The following SRL variants were observed in gnomAD, a reference collection of about 807,000 sequenced individuals.
SRL encodes the protein sarcalumenin.
SRL carries 23 observed loss-of-function variants against 39.5 expected under a neutral mutation model. The observed-to-expected ratio is 0.58, with a 90% CI of 0.42 to 0.82. The LOEUF (loss-of-function observed/expected upper bound fraction) is 0.82, where lower values mean the gene tolerates loss of function less well. SRL is among the 40% of genes least tolerant of loss of function. The pLI is 0.00. For synonymous variants in SRL, 272 were observed against 237.4 expected, an observed-to-expected ratio of 1.15 and a Z score of -1.34; for missense variants, 592 against 607.8, an observed-to-expected ratio of 0.97 and a Z score of 0.27.
At chr16:4,220,340 C>T (rs2052510481) in intron 1 of SRL, among the ~76,000 whole-genome samples, 1 of 148,254 alleles carries the variant, frequency 6.7e-6, no homozygotes, top group Admixed American at 6.8e-5. Flanking sequence ...CACAGCTACT[C>T]AGGAGGCTGA....
chr16:4,219,932 C>G (rs1450955931), intron 1 of SRL, among the ~76,000 whole-genome samples: 5 of 151,954 alleles, frequency 3.3e-5, no homozygotes, highest in African/African-American at 9.7e-5. Flanking sequence ...TCTTAGCTAT[C>G]TGAGTTCAAG....
At chr16:4,214,975 C>T (rs1295036327) in intron 1 of SRL, among the ~76,000 whole-genome samples, 2 of 152,088 alleles carry the variant, frequency 1.3e-5, no homozygotes, top group East Asian at 1.9e-4. Context: ...ACCATGTTGG[C>T]CAGGCTGGTC....
chr16:4,220,258 C>T (rs917953093), intron 1 of SRL, among the ~76,000 whole-genome samples: 2 of 139,266 alleles, frequency 1.4e-5, no homozygotes, highest in East Asian at 2.1e-4. Context: ...GCCAACATAG[C>T]GAAAATCTGT....
At chr16:4,207,797 C>T (rs1177847927) in intron 1 of SRL, 1 of 455,694 alleles carries the variant, frequency 2.2e-6, no homozygotes, top group Admixed American at 2.4e-5. Flanking sequence ...GTGGGCCATT[C>T]TTTTCCTCCC....
intron 1 of SRL, among the ~76,000 whole-genome samples, chr16:4,222,810 C>T (rs958860482): frequency 1.3e-5 from 2 of 152,176 alleles, no homozygotes; most frequent in Admixed American, 6.5e-5. Context: ...AGTACAATTC[C>T]TGGCGAGATG....
At chr16:4,204,700 C>G in intron 1 of SRL, 66 bp from the exon 2 acceptor site, 1 of 1,428,204 alleles carries the variant, frequency 7.0e-7, no homozygotes, top group Non-Finnish European at 9.9e-7. Context: ...TGGGCCCCGG[C>G]ACAGCAGACG....
chr16:4,208,930 C>G (rs2141040161), intron 1 of SRL, among the ~76,000 whole-genome samples: 1 of 152,270 alleles, frequency 6.6e-6, no homozygotes, highest in South Asian at 2.1e-4. Context: ...GGGGCCTCAT[C>G]TGTGCCAGAG....
chr16:4,212,703 G>A (rs1453731574), intron 1 of SRL, among the ~76,000 whole-genome samples: 1 of 152,100 alleles, frequency 6.6e-6, no homozygotes, highest in Non-Finnish European at 1.5e-5. Context: ...CCCCAACTCT[G>A]CCCAGAGACC....
chr16:4,196,619 T>G (rs1216227098), intron 4 of SRL, among the ~76,000 whole-genome samples: 1 of 152,036 alleles, frequency 6.6e-6, no homozygotes, highest in Non-Finnish European at 1.5e-5. Flanking sequence ...TAGCTGGGAT[T>G]ACAGGTGCCC....
intron 3 of SRL, 145 bp from the exon 4 acceptor site, chr16:4,198,060 G>A (rs2052173679): frequency 4.7e-6 from 3 of 637,706 alleles, no homozygotes; most frequent in South Asian, 1.8e-5. Context: ...CCCCAGTGGC[G>A]CTTCTCTTGC....
Position 4,222,285 on chromosome 16 carries a change from T to A in SRL, c.62-17651A>T, listed in dbSNP as rs149768767. Among the ~76,000 whole-genome samples the A allele has an allele frequency of 5.9e-3, 903 of 152,300 alleles. 11 individuals carry two copies. The highest frequency in any genetic ancestry group is 0.02 in the African/African-American group (847 of 41,572). On this transcript the variant is annotated intron_variant, in intron 1 of 5. Transcript: ENST00000399609. ...TGTGACATCACCCTATGTGACGGCTTTTTTTAAAAACAGGGTCTCACTCTT... is the reference window on the plus strand; with the variant it reads ...TGTGACATCACCCTATGTGACGGCTATTTTTAAAAACAGGGTCTCACTCTT...
At chr16:4,201,901 G>T (rs546153984) in intron 3 of SRL, among the ~76,000 whole-genome samples, 3 of 151,632 alleles carry the variant, frequency 2.0e-5, no homozygotes, top group Admixed American at 6.6e-5. Context: ...TGATCTGCCC[G>T]CCTTGGCCTC....
intron 3 of SRL, among the ~76,000 whole-genome samples, chr16:4,198,899 A>G (rs1218023912): frequency 2.0e-5 from 3 of 152,238 alleles, no homozygotes; most frequent in African/African-American, 4.8e-5. Context: ...GGGCCACTCC[A>G]GGTGGGTCCC....
chr16:4,223,082 A>G (rs193238825), intron 1 of SRL, among the ~76,000 whole-genome samples: 1 of 152,002 alleles, frequency 6.6e-6, no homozygotes, highest in Admixed American at 6.6e-5. Context: ...ATACAAAAAA[A>G]TTAGCCGGGC....
chr16:4,240,986 G>T (rs896008441), intron 1 of SRL, among the ~76,000 whole-genome samples: 1 of 152,092 alleles, frequency 6.6e-6, no homozygotes, highest in Non-Finnish European at 1.5e-5. Flanking sequence ...AATAGCTTTT[G>T]TTCCCACCCA....
rs1158222838 is a variant in SRL, at chr16:4,232,661, C to T, written c.61+9346G>A. On this transcript the variant is annotated intron_variant, in intron 1 of 5. Transcript: ENST00000399609. ...AAGCAGCTGGGACCACACGCATAGG[C>T]CATTATGCCTGGCTAATTGTTGTAT... Among the ~76,000 whole-genome samples the T allele has an allele frequency of 2.6e-5, 4 of 152,190 alleles. No homozygotes were observed. The East Asian group carries it at 7.7e-4, about 29-fold the overall frequency.
At chr16:4,219,246 G>A (rs765002136) in intron 1 of SRL, among the ~76,000 whole-genome samples, 4 of 152,242 alleles carry the variant, frequency 2.6e-5, no homozygotes, top group African/African-American at 4.8e-5. Flanking sequence ...CCCCGCAGCC[G>A]TAGTCTTCCC....
Position 4,197,923 on chromosome 16 carries a change from C to G in SRL, c.260-8G>C. The G allele has an allele frequency of 6.3e-7, 1 of 1,576,112 alleles. No individual in the cohort carries two copies. Among genetic ancestry groups the G allele is most frequent in the Non-Finnish European group, 8.7e-7 (1 of 1,145,420 alleles). On this transcript the variant is annotated splice_region_variant and splice_polypyrimidine_tract_variant and intron_variant, in intron 3 of 5. Coordinates refer to ENST00000399609, the MANE Select transcript of SRL (RefSeq NM_001098814.2). ...TGGAGGTAATCTCTCCATCTGTGGG[C>G]AACAGGAAGTAGAAATGGAATAAAA...
At chr16:4,231,745 C>T (rs989888848) in intron 1 of SRL, among the ~76,000 whole-genome samples, 2 of 152,102 alleles carry the variant, frequency 1.3e-5, no homozygotes, top group African/African-American at 4.8e-5. Flanking sequence ...GATGGATTCC[C>T]CTGGTTGGTC....
Sources: gnomAD v4.1 joint callset for allele counts (sites outside exome capture counted in the v4.1 genomes callset) on GRCh38, gnomAD v4.1.1 for gene constraint, MANE v1.5 for transcripts, NCBI Gene and HGNC (gene_info 2026-07-23, HGNC 2026-07-21) for gene names.